B3GALT1: variants seen among roughly 807,000 people sequenced by gnomAD.
B3GALT1 encodes the protein UDP-Gal:betaGlcNAc beta 1,3-galactosyltransferase, polypeptide 1.
In B3GALT1, 10 loss-of-function variants were observed where a neutral mutation model predicts 23.2. That is an observed-to-expected ratio of 0.43 (90% CI 0.27 to 0.73). The LOEUF (loss-of-function observed/expected upper bound fraction) is 0.73, where lower values mean the gene tolerates loss of function less well. Among genes scored for constraint, B3GALT1 ranks in the 30% least tolerant of loss-of-function variants. The pLI is 0.21. For missense variants in B3GALT1, 299 were observed against 405.4 expected (o/e 0.74, Z 2.25); for synonymous variants, 156 against 141.5 (o/e 1.10, Z -0.73).
chr2:167,855,275 A>G (rs2105422695), intron 4 of B3GALT1, among the ~76,000 whole-genome samples: 1 of 152,276 alleles, frequency 6.6e-6, no homozygotes, highest in Non-Finnish European at 1.5e-5. Context: ...GTAAAAAGTG[A>G]GATGCAGAAT....
At chr2:167,528,421 A>G (rs937300298) in intron 2 of B3GALT1, among the ~76,000 whole-genome samples, 7 of 152,056 alleles carry the variant, frequency 4.6e-5, no homozygotes, top group Non-Finnish European at 7.4e-5. Context: ...CCTCTCCTCC[A>G]TTTATTCACT....
At chr2:167,352,855 A>G (rs933140900) in intron 1 of B3GALT1, among the ~76,000 whole-genome samples, 2 of 152,230 alleles carry the variant, frequency 1.3e-5, no homozygotes, top group Non-Finnish European at 2.9e-5. Flanking sequence ...CCAGTATCTC[A>G]AAGGAGAGCA....
chr2:167,562,469 G>A (rs1402952501), intron 2 of B3GALT1, among the ~76,000 whole-genome samples: 5 of 152,020 alleles, frequency 3.3e-5, no homozygotes, highest in Non-Finnish European at 7.4e-5. Context: ...CAATTAGGCA[G>A]GAGAAGGAAA....
At chr2:167,353,520 G>T (rs1697350571) in intron 1 of B3GALT1, among the ~76,000 whole-genome samples, 1 of 151,322 alleles carries the variant, frequency 6.6e-6, no homozygotes, top group African/African-American at 2.4e-5. Context: ...CATTCTCAAT[G>T]TTGCTGGGTA....
chr2:167,691,761 A>T (rs889757536), intron 3 of B3GALT1, among the ~76,000 whole-genome samples: 7 of 152,134 alleles, frequency 4.6e-5, no homozygotes, highest in Non-Finnish European at 1.5e-5. Context: ...ATAAATAATT[A>T]ATTTAGTAGC....
intron 2 of B3GALT1, among the ~76,000 whole-genome samples, chr2:167,568,060 A>T (rs142332946): frequency 2.0e-5 from 3 of 152,122 alleles, no homozygotes; most frequent in Non-Finnish European, 4.4e-5. Flanking sequence ...TCATGGCTCA[A>T]TAGTTCATTT....
At chr2:167,777,698 C>T (rs867084263) in intron 3 of B3GALT1, among the ~76,000 whole-genome samples, 3 of 152,178 alleles carry the variant, frequency 2.0e-5, no homozygotes, top group African/African-American at 7.2e-5. Context: ...CATTGTCAAT[C>T]CCCTGAGACC....
At chr2:167,453,047 T>A (rs1482746943) in intron 1 of B3GALT1, among the ~76,000 whole-genome samples, 2 of 152,158 alleles carry the variant, frequency 1.3e-5, no homozygotes, top group Non-Finnish European at 2.9e-5. Flanking sequence ...AAAGTATATA[T>A]CTTTGTTAGC....
intron 3 of B3GALT1, among the ~76,000 whole-genome samples, chr2:167,664,635 C>T (rs1454887866): frequency 2.6e-5 from 4 of 152,154 alleles, no homozygotes; most frequent in Non-Finnish European, 5.9e-5. Flanking sequence ...TCTTTTATTT[C>T]CTCGAGCAGT....
chr2:167,659,884 G>A (rs1260369776), intron 3 of B3GALT1, among the ~76,000 whole-genome samples: 1 of 151,988 alleles, frequency 6.6e-6, no homozygotes, highest in African/African-American at 2.4e-5. Flanking sequence ...CAGAGTACCA[G>A]CTGCCTGTCA....
chr2:167,858,838 G>A (rs183263850), intron 4 of B3GALT1, among the ~76,000 whole-genome samples: 56 of 152,036 alleles, frequency 3.7e-4, no homozygotes, highest in African/African-American at 1.2e-3. Flanking sequence ...ATTATCAGTC[G>A]CTGCATAGTA....
At chr2:167,392,305 C>CA (rs540422788) in intron 1 of B3GALT1, among the ~76,000 whole-genome samples, 250 of 152,024 alleles carry the variant, frequency 1.6e-3, no homozygotes, top group Non-Finnish European at 3.0e-3. Context: ...CAACCCCTAC[C>CA]AAAAAACAAA....
At chr2:167,429,149 C>T (rs1303578164) in intron 1 of B3GALT1, among the ~76,000 whole-genome samples, 5 of 151,526 alleles carry the variant, frequency 3.3e-5, no homozygotes, top group South Asian at 2.1e-4. Context: ...GGCATGGTGG[C>T]GGGCACCTGT....
chr2:167,658,067 T>TA (rs1685986096), intron 3 of B3GALT1, among the ~76,000 whole-genome samples: 1 of 152,092 alleles, frequency 6.6e-6, no homozygotes, highest in South Asian at 2.1e-4. Context: ...CGAAGTTCTC[T>TA]ATTGTTTTCA....
At position 167,871,063 on chromosome 2, in the gene B3GALT1, T is replaced by G. The variant is rs572436713; in HGVS notation, c.*1043T>G. ...AGACTTGGCCCTACTTGCTAACATC[T>G]GAAAACACCAGAGCATGTTCAGCAG... On this transcript the variant is annotated 3_prime_UTR_variant, in exon 5 of 5. Coordinates refer to ENST00000392690, the MANE Select transcript of B3GALT1 (RefSeq NM_020981.4). 1 of 153,210 alleles carries G rather than the reference T, an allele frequency of 6.5e-6. No individual in the cohort carries two copies. The highest frequency in any genetic ancestry group is 2.1e-4 in the South Asian group (1 of 4,820). The allele number at this position is 153,210 out of a possible 1,614,324, so 9.5% of individuals were successfully genotyped here.
intron 1 of B3GALT1, among the ~76,000 whole-genome samples, chr2:167,366,718 C>T (rs1310401582): frequency 2.6e-5 from 4 of 152,192 alleles, no homozygotes; most frequent in Non-Finnish European, 5.9e-5. Context: ...TTTCAGCTAG[C>T]TCAACTCAGC....
At position 167,512,637 on chromosome 2, in the gene B3GALT1, C is replaced by CGTAT. The variant is rs1370092531; in HGVS notation, c.-410+22360_-410+22361insGTAT. 4.4e-3 allele frequency among the ~76,000 whole-genome samples: 284 copies of CGTAT among 64,950 alleles called. 61 individuals carry two copies. The East Asian group carries it at 0.24, about 55-fold the overall frequency. The allele number at this position is 64,950 out of a possible 152,430, so 42.6% of individuals were successfully genotyped here. ...ATATATATACGTGTATATATATATACATATATATATATATTTTGAGATAGG... is the reference window on the plus strand; with the variant it reads ...ATATATATACGTGTATATATATATACGTATATATATATATATATTTTGAGATAGG... On this transcript the variant is annotated intron_variant, in intron 2 of 4. Coordinates refer to ENST00000392690, the MANE Select transcript of B3GALT1 (RefSeq NM_020981.4).
At chr2:167,695,544 C>T (rs1235136925) in intron 3 of B3GALT1, among the ~76,000 whole-genome samples, 2 of 152,142 alleles carry the variant, frequency 1.3e-5, no homozygotes, top group East Asian at 3.9e-4. Flanking sequence ...AACCTGACTT[C>T]CCTATACGTC....
intron 3 of B3GALT1, among the ~76,000 whole-genome samples, chr2:167,669,903 T>C (rs1294103241): frequency 1.3e-5 from 2 of 151,884 alleles, no homozygotes; most frequent in Non-Finnish European, 2.9e-5. Context: ...CTAAATAGTC[T>C]GTAGGCAGCT....
Sources: gnomAD v4.1 joint callset for allele counts (sites outside exome capture counted in the v4.1 genomes callset) on GRCh38, gnomAD v4.1.1 for gene constraint, MANE v1.5 for transcripts, NCBI Gene and HGNC (gene_info 2026-07-23, HGNC 2026-07-21) for gene names.